The following ZNF81 variants were observed in gnomAD, a reference collection of about 807,000 sequenced individuals.
ZNF81 encodes the protein zinc finger protein 81 (HFZ20).
A neutral mutation model predicts 32.3 loss-of-function variants in ZNF81; 5 were observed. The observed-to-expected ratio is 0.15, with a 90% CI of 0.08 to 0.33. The LOEUF (loss-of-function observed/expected upper bound fraction) is 0.33. Ranked by LOEUF, ZNF81 falls within the 10% of genes least tolerant of loss-of-function variation. The pLI, the probability that ZNF81 is intolerant of heterozygous loss-of-function variation, is 1.00. For missense variants in ZNF81, 379 were observed against 479.8 expected (o/e 0.79, Z 1.96); for synonymous variants, 163 against 166.8 (o/e 0.98, Z 0.17).
chrX:47,884,103 A>G (rs2058631503), intron 2 of ZNF81, among the ~76,000 whole-genome samples: 2 of 108,921 alleles, frequency 1.8e-5, no homozygotes, highest in Admixed American at 9.8e-5. Flanking sequence ...AAAATTAGCC[A>G]GGCGTGGTGG....
At chrX:47,868,328 A>T (rs1440100160) in intron 2 of ZNF81, among the ~76,000 whole-genome samples, 1 of 108,925 alleles carries the variant, frequency 9.2e-6, no homozygotes. Context: ...TATTAAGTAG[A>T]TGCTTTTTTT....
intron 1 of ZNF81, chrX:47,840,992 T>C: frequency 1.3e-6 from 1 of 743,493 alleles, no homozygotes; most frequent in Non-Finnish European, 2.0e-6. Context: ...AGCAGATTGA[T>C]GTGTTCACCC....
intron 2 of ZNF81, among the ~76,000 whole-genome samples, chrX:47,853,068 T>C (rs190493043): frequency 2.7e-5 from 3 of 112,564 alleles, no homozygotes; most frequent in African/African-American, 9.7e-5. Context: ...AGCAGTGATA[T>C]TTTGTAAAAA....
At chrX:47,871,718 T>A (rs1273492184) in intron 2 of ZNF81, among the ~76,000 whole-genome samples, 1 of 111,855 alleles carries the variant, frequency 8.9e-6, no homozygotes, top group African/African-American at 3.2e-5. Context: ...CTGGGTCTTA[T>A]GCACTTGTAA....
At chrX:47,889,572 GGTTACACCATGTATTA>G (rs1483601043) in intron 3 of ZNF81, among the ~76,000 whole-genome samples, 1 of 111,918 alleles carries the variant, frequency 8.9e-6, no homozygotes, top group Non-Finnish European at 1.9e-5. Context: ...TCTGATCTGA[GGTTACACCATGTATTA>G]GTTACACCAT....
intron 3 of ZNF81, among the ~76,000 whole-genome samples, chrX:47,892,379 G>C (rs1444718448): frequency 8.9e-6 from 1 of 111,934 alleles, no homozygotes; most frequent in Non-Finnish European, 1.9e-5. Flanking sequence ...AAGGATGCTC[G>C]GGCTCCCCTT....
chrX:47,917,437 C>T lies in ZNF81; in HGVS notation c.*805C>T, dbSNP rs1040464262. 2.1e-5 allele frequency: 6 copies of T among 289,393 alleles called. No homozygotes were observed. The highest frequency in any genetic ancestry group is 3.6e-5 in the Non-Finnish European group (6 of 165,904). The allele number at this position is 289,393 out of a possible 1,213,427, so 23.8% of individuals were successfully genotyped here. Reference sequence around the variant, plus strand: ...TACTACTTGACTTTGAACTTGGCCACGTGACTTTCTTTGGCCAATGGAAAT... The same window carrying T: ...TACTACTTGACTTTGAACTTGGCCATGTGACTTTCTTTGGCCAATGGAAAT... On this transcript the variant is annotated 3_prime_UTR_variant, in exon 5 of 5. Transcript: ENST00000338637.
intron 4 of ZNF81, among the ~76,000 whole-genome samples, chrX:47,899,465 G>A (rs1292020136): frequency 2.7e-5 from 3 of 110,438 alleles, no homozygotes; most frequent in Admixed American, 9.7e-5. Context: ...TGATTATGAC[G>A]TATTAGCTTT....
chrX:47,848,843 G>A (rs942222313), intron 2 of ZNF81, among the ~76,000 whole-genome samples: 2 of 111,108 alleles, frequency 1.8e-5, no homozygotes, highest in Non-Finnish European at 3.8e-5. Flanking sequence ...CAAGCATTTC[G>A]GATAAGGGCT....
At chrX:47,842,482 C>T (rs920014921) in intron 1 of ZNF81, among the ~76,000 whole-genome samples, 11 of 111,505 alleles carry the variant, frequency 9.9e-5, no homozygotes. Context: ...GGAACTCAAC[C>T]ACTGTGCTGT....
intron 2 of ZNF81, among the ~76,000 whole-genome samples, chrX:47,855,497 G>A (rs1441631913): frequency 9.0e-6 from 1 of 111,126 alleles, no homozygotes; most frequent in East Asian, 2.8e-4. Flanking sequence ...CTGTTCCATT[G>A]AGCTAATAGT....
rs1408575209 is a variant in ZNF81, at chrX:47,916,654, A to C, written c.*22A>C. 13 of 1,189,935 alleles carry C rather than the reference A, an allele frequency of 1.1e-5. No homozygotes were observed. Among genetic ancestry groups the C allele is most frequent in the Non-Finnish European group, 1.4e-5 (12 of 886,419 alleles). On this transcript the variant is annotated 3_prime_UTR_variant, in exon 5 of 5. Coordinates refer to ENST00000338637, the MANE Select transcript of ZNF81 (RefSeq NM_007137.5). ...ATGAAAGTAATCCTGTTTCTTGAAA[A>C]TGAGAGCCTTATAAGGCTGACAAAA...
At chrX:47,882,491 T>C (rs1381231357) in intron 2 of ZNF81, among the ~76,000 whole-genome samples, 1 of 112,358 alleles carries the variant, frequency 8.9e-6, no homozygotes, top group Non-Finnish European at 1.9e-5. Flanking sequence ...AGTATTCCAT[T>C]GTATGAAGAC....
intron 2 of ZNF81, among the ~76,000 whole-genome samples, chrX:47,886,448 C>T (rs1603196843): frequency 9.0e-6 from 1 of 111,330 alleles, no homozygotes; most frequent in East Asian, 2.8e-4. Flanking sequence ...GAGATCTGGG[C>T]AGAGTTCATT....
In ZNF81 at chrX:47,924,555, T is replaced by C. The variant is rs1486467112; in HGVS notation, c.*7923T>C. On this transcript the variant is annotated 3_prime_UTR_variant, in exon 5 of 5. Coordinates refer to ENST00000338637, the MANE Select transcript of ZNF81 (RefSeq NM_007137.5). ...TCAATTATGCATATGTAAGATGTCT[T>C]TGTCACCTTCTACATTCATCTTCTA... Among the ~76,000 whole-genome samples the C allele has an allele frequency of 8.9e-6, 1 of 112,182 alleles. No individual in the cohort carries two copies. The highest frequency in any genetic ancestry group is 9.4e-5 in the Admixed American group (1 of 10,603).
rs921024961 is a variant in ZNF81, at chrX:47,916,078, T to C, written c.1432T>C (p.Ser478Pro). 3 of 1,208,930 alleles carry C rather than the reference T, an allele frequency of 2.5e-6. No homozygotes were observed. The highest frequency in any genetic ancestry group is 3.4e-6 in the Non-Finnish European group (3 of 894,935). ...KPYECSDCGK[S>P]FPSKSQLQMH... ...TTATGAATGCAGTGACTGTGGGAAATCTTTCCCTTCTAAGTCACAACTCCA... is the reference window on the plus strand; with the variant it reads ...TTATGAATGCAGTGACTGTGGGAAACCTTTCCCTTCTAAGTCACAACTCCA... The change falls in exon 5 of 5, where the codon TCT (serine) becomes CCT (proline). Residue 478 changes from serine to proline, a missense_variant. Ser to Pro is a moderately conservative substitution (Grantham distance 74). Around this residue, in one of 2 missense-constraint regions of ZNF81, gnomAD observed 102 missense variants for 173.2 expected, o/e 0.59. Transcript: ENST00000338637.
At chrX:47,874,445 A>G (rs782786207) in intron 2 of ZNF81, among the ~76,000 whole-genome samples, 39 of 112,410 alleles carry the variant, frequency 3.5e-4, no homozygotes, top group Middle Eastern at 4.6e-3. Context: ...GTACATCCCC[A>G]TATTCAGGGT....
intron 2 of ZNF81, among the ~76,000 whole-genome samples, chrX:47,882,204 A>G (rs1166882997): frequency 6.3e-5 from 7 of 111,331 alleles, no homozygotes; most frequent in Non-Finnish European, 5.7e-5. Context: ...ACACACCCAT[A>G]TACACACATA....
intron 4 of ZNF81, among the ~76,000 whole-genome samples, chrX:47,901,772 G>GT (rs1270618073): frequency 3.1e-5 from 3 of 98,215 alleles, no homozygotes; most frequent in Non-Finnish European, 5.9e-5. Flanking sequence ...GGCGGGGGGG[G>GT]GTTCCCTTAT....
Sources: gnomAD v4.1 joint callset for allele counts (sites outside exome capture counted in the v4.1 genomes callset) on GRCh38, gnomAD v4.1.1 for gene constraint, gnomAD v4.1.1 regional missense constraint, MANE v1.5 for transcripts, NCBI Gene and HGNC (gene_info 2026-07-23, HGNC 2026-07-21) for gene names.